RAP1B: variants seen among roughly 807,000 people sequenced by gnomAD.
RAP1B encodes the protein ras-related protein Rap-1b.
Under a neutral mutation model 27.5 loss-of-function variants are expected in RAP1B, and 1 was observed. The ratio of observed to expected loss-of-function variants is 0.04; its 90% CI spans 0.01 to 0.17. RAP1B has a LOEUF of 0.17. RAP1B is among the 10% of genes least tolerant of loss of function. RAP1B has a pLI of 1.00. For missense variants in RAP1B, 84 were observed against 214.8 expected, an observed-to-expected ratio of 0.39 and a Z score of 3.81; for synonymous variants, 75 against 73.1, an observed-to-expected ratio of 1.03 and a Z score of -0.13.
At chr12:68,627,287 A>C (rs899237049) in intron 1 of RAP1B, 1 of 860,054 alleles carries the variant, frequency 1.2e-6, no homozygotes, top group East Asian at 2.4e-5. Flanking sequence ...CACAGGCTGC[A>C]TACACTACCA....
In RAP1B at chr12:68,668,605, G is replaced by A. The variant is rs1284431583; in HGVS notation, c.*9356G>A. On this transcript the variant is annotated 3_prime_UTR_variant, in exon 8 of 8. Coordinates refer to ENST00000250559, the MANE Select transcript of RAP1B (RefSeq NM_001010942.3). ...AACTTCTTTTCCAAAGAGAAATAAC[G>A]TTAACAATCTGAAATCATCCCTGCA... 2 of 152,104 alleles carry A rather than the reference G, an allele frequency of 1.3e-5. No individual in the cohort carries two copies. The highest frequency in any genetic ancestry group is 6.5e-5 in the Admixed American group (1 of 15,276). 9.4% of individuals were successfully genotyped at this position (152,104 alleles called of 1,614,324 possible).
rs1412434869 is a variant in RAP1B, at chr12:68,663,140, C to T, written c.*3891C>T. On this transcript the variant is annotated 3_prime_UTR_variant, in exon 8 of 8. Transcript: ENST00000250559. ...GTACAGTGGTGCGATCTTGGCTCAC[C>T]CCAACCTCTGCCTCCCAGGTTCAAG... 1.3e-5 allele frequency: 2 copies of T among 151,656 alleles called. No homozygotes were observed. The highest frequency in any genetic ancestry group is 4.8e-5 in the African/African-American group (2 of 41,252). The allele number at this position is 151,656 out of a possible 1,614,324, so 9.4% of individuals were successfully genotyped here.
At chr12:68,612,534 G>C (rs1165805568) in intron 1 of RAP1B, among the ~76,000 whole-genome samples, 3 of 152,128 alleles carry the variant, frequency 2.0e-5, no homozygotes, top group Admixed American at 6.5e-5. Flanking sequence ...CTGACCTTTA[G>C]GACAGTAGTC....
At chr12:68,629,175 C>G (rs1592434337) in intron 1 of RAP1B, among the ~76,000 whole-genome samples, 2 of 152,124 alleles carry the variant, frequency 1.3e-5, no homozygotes, top group East Asian at 3.8e-4. Flanking sequence ...GACAAGGTTT[C>G]ACAATGTTTC....
At chr12:68,620,949 G>T (rs1218863494) in intron 1 of RAP1B, among the ~76,000 whole-genome samples, 1 of 152,182 alleles carries the variant, frequency 6.6e-6, no homozygotes, top group African/African-American at 2.4e-5. Flanking sequence ...TTCAGATTAG[G>T]AGAGTGTTAA....
intron 1 of RAP1B, among the ~76,000 whole-genome samples, chr12:68,642,064 G>A (rs1395163800): frequency 3.3e-5 from 5 of 152,118 alleles, no homozygotes; most frequent in African/African-American, 1.2e-4. Context: ...TGTTTAACGC[G>A]TTGAGTAAAA....
At chr12:68,631,298 T>C (rs1033985654) in intron 1 of RAP1B, among the ~76,000 whole-genome samples, 8 of 152,204 alleles carry the variant, frequency 5.3e-5, no homozygotes, top group Admixed American at 2.6e-4. Flanking sequence ...TGGTATGCTA[T>C]TTCTGACCTC....
chr12:68,659,101 T>G (rs553434294), intron 7 of RAP1B, among the ~76,000 whole-genome samples, 179 bp from the exon 8 acceptor site: 1 of 152,358 alleles, frequency 6.6e-6, no homozygotes, highest in African/African-American at 2.4e-5. Flanking sequence ...AGACTTCATC[T>G]TTTTGGAATG....
At chr12:68,652,076 A>G (rs2135963131) in intron 4 of RAP1B, 25 bp downstream of exon 4, 1 of 1,551,384 alleles carries the variant, frequency 6.4e-7, no homozygotes, top group Non-Finnish European at 8.9e-7. Context: ...ATACCAAAGT[A>G]TATACACCGT....
intron 1 of RAP1B, among the ~76,000 whole-genome samples, chr12:68,620,882 C>T (rs946746090): frequency 3.3e-5 from 5 of 152,120 alleles, no homozygotes; most frequent in African/African-American, 4.8e-5. Context: ...GCCACCGCAC[C>T]GGTCTGGTTC....
intron 4 of RAP1B, among the ~76,000 whole-genome samples, chr12:68,652,634 G>T (rs1873897557): frequency 1.3e-5 from 2 of 152,008 alleles, no homozygotes; most frequent in South Asian, 4.1e-4. Flanking sequence ...GGGCAACACA[G>T]TGAAACCCCG....
chr12:68,630,230 CA>C (rs2135933032), intron 1 of RAP1B, among the ~76,000 whole-genome samples: 1 of 152,306 alleles, frequency 6.6e-6, no homozygotes, highest in South Asian at 2.1e-4. Flanking sequence ...CAAGTGTTGG[CA>C]AACTTTTTCT....
intron 1 of RAP1B, chr12:68,642,742 T>G: frequency 9.3e-7 from 1 of 1,074,922 alleles, no homozygotes; most frequent in Non-Finnish European, 1.5e-6. Context: ...GCGCAGTATA[T>G]TTATCCTCTG....
chr12:68,653,015 A>T lies in RAP1B; in HGVS notation c.183+964A>T, dbSNP rs1873925239. On this transcript the variant is annotated intron_variant, in intron 4 of 7. Transcript: ENST00000250559. ...CACCTGAGGTCAGGAGTTCAAGACC[A>T]GCCTGGCTAACATGGTGAAACCCGT... Among the ~76,000 whole-genome samples the T allele has an allele frequency of 2.0e-5, 3 of 152,248 alleles. No individual in the cohort carries two copies. In the South Asian group the frequency reaches 6.2e-4, roughly 32 times the overall value.
intron 4 of RAP1B, among the ~76,000 whole-genome samples, chr12:68,652,432 G>C (rs1165319482): frequency 6.6e-6 from 1 of 152,004 alleles, no homozygotes; most frequent in Non-Finnish European, 1.5e-5. Context: ...TCCAGCCTGG[G>C]TGACAGAGCG....
At chr12:68,624,038 AAGAG>A (rs538584118) in intron 1 of RAP1B, among the ~76,000 whole-genome samples, 135 of 152,042 alleles carry the variant, frequency 8.9e-4, no homozygotes, top group South Asian at 2.7e-3. Flanking sequence ...AAAAAAAAAA[AAGAG>A]AGAGAGAAGA....
rs1875099770 is a variant in RAP1B at position 68,671,695 on chromosome 12, GGTGGAAA to G, written c.*12447_*12453del. ...GGTGAGGAAGTGAAGGATCTGAGTA[GGTGGAAA>G]AAGAAAAGCAAAAGTACAACAGCGG... On this transcript the variant is annotated 3_prime_UTR_variant, in exon 8 of 8. Transcript: ENST00000250559. 6.6e-6 allele frequency: 1 copy of G among 151,992 alleles called. No individual in the cohort carries two copies. The allele number at this position is 151,992 out of a possible 1,614,324, so 9.4% of individuals were successfully genotyped here.
intron 1 of RAP1B, among the ~76,000 whole-genome samples, chr12:68,613,091 A>G (rs540484084): frequency 1.3e-5 from 2 of 152,232 alleles, no homozygotes; most frequent in East Asian, 3.9e-4. Flanking sequence ...GTGGTGGTTT[A>G]CGCCTGTAAT....
intron 1 of RAP1B, among the ~76,000 whole-genome samples, chr12:68,629,037 C>T (rs1872040802): frequency 6.6e-6 from 1 of 151,866 alleles, no homozygotes; most frequent in South Asian, 2.1e-4. Context: ...CTGTCTCTGT[C>T]TATTTTGAGA....
Sources: gnomAD v4.1 joint callset for allele counts (sites outside exome capture counted in the v4.1 genomes callset) on GRCh38, gnomAD v4.1.1 for gene constraint, MANE v1.5 for transcripts, NCBI Gene and HGNC (gene_info 2026-07-23, HGNC 2026-07-21) for gene names.